Variants in PTPRA observed in about 807,000 individuals in gnomAD.
PTPRA encodes protein tyrosine phosphatase receptor type A, also known as receptor-type tyrosine-protein phosphatase alpha.
Under a neutral mutation model 104.8 loss-of-function variants are expected in PTPRA, and 25 were observed. The observed-to-expected ratio is 0.24, with a 90% CI of 0.17 to 0.33. The LOEUF (loss-of-function observed/expected upper bound fraction) is 0.33, where lower values mean the gene tolerates loss of function less well. Ranked by LOEUF, PTPRA falls within the 10% of genes least tolerant of loss-of-function variation. The pLI is 1.00. For synonymous variants in PTPRA, 323 were observed against 368.9 expected (o/e 0.88, Z 1.43); for missense variants, 765 against 1,015.3 (o/e 0.75, Z 3.35).
At chr20:2,975,316 CTG>C in intron 6 of PTPRA, 75 bp downstream of exon 6, 2 of 1,320,246 alleles carry the variant, frequency 1.5e-6, no homozygotes, top group Non-Finnish European at 1.0e-6. Flanking sequence ...TGCTCACAGT[CTG>C]TGGTAACCGT....
intron 1 of PTPRA, among the ~76,000 whole-genome samples, chr20:2,918,343 T>G (rs1332245027): frequency 6.6e-6 from 1 of 152,160 alleles, no homozygotes; most frequent in Non-Finnish European, 1.5e-5. Flanking sequence ...ACTCTATTTT[T>G]AAATGACAGC....
At position 3,037,431 on chromosome 20, in the gene PTPRA, A is replaced by C; in HGVS notation, c.2334+142A>C. Reference sequence around the variant, plus strand: ...CCCTTGCCCTCCCAAGGTGCCCCAAATACACAGGAAACATTGGGAGGCAGG... The same window carrying C: ...CCCTTGCCCTCCCAAGGTGCCCCAACTACACAGGAAACATTGGGAGGCAGG... On this transcript the variant is annotated intron_variant, in intron 23 of 23. Transcript: ENST00000399903. The surrounding 1 kb of genome is among the most constrained non-coding windows in gnomAD (Gnocchi z 4.3). The C allele has an allele frequency of 7.6e-7, 1 of 1,315,862 alleles. No individual in the cohort carries two copies. The highest frequency in any genetic ancestry group is 1.0e-6 in the Non-Finnish European group (1 of 964,506). The allele number at this position is 1,315,862 out of a possible 1,614,324, so 81.5% of individuals were successfully genotyped here. A position where few individuals can be genotyped will look rare whatever the true frequency, so the allele number is the denominator to read the frequency against.
At chr20:2,988,311 A>T in intron 8 of PTPRA, 27 bp from the exon 9 acceptor site, 1 of 1,576,052 alleles carries the variant, frequency 6.3e-7, no homozygotes, top group Non-Finnish European at 8.6e-7. Flanking sequence ...AGGGTACCTG[A>T]CTGACCTTCT....
chr20:2,970,798 A>G (rs916802446), intron 5 of PTPRA, among the ~76,000 whole-genome samples: 3 of 148,870 alleles, frequency 2.0e-5, no homozygotes, highest in African/African-American at 5.2e-5. Context: ...CTGGACTTCT[A>G]TGGTTTCGTG....
Position 2,918,681 on chromosome 20 carries a change from T to G in PTPRA, c.-128-4526T>G, listed in dbSNP as rs144222881. 2.4e-4 allele frequency among the ~76,000 whole-genome samples: 37 copies of G among 152,364 alleles called. 1 individual carries two copies. The East Asian group carries it at 6.8e-3, about 28-fold the overall frequency. ...GCACATTGCACCATACTTAGGAATA[T>G]ATGACGGTTATACATTTCAAACAGG... is the stretch of plus-strand genomic sequence containing the variant. On this transcript the variant is annotated intron_variant, in intron 1 of 23. Coordinates refer to ENST00000399903, the MANE Select transcript of PTPRA (RefSeq NM_001385305.1).
In PTPRA at chr20:3,021,478, A is replaced by G. The variant is rs770353250; in HGVS notation, c.1161+50A>G. 6.2e-6 allele frequency: 10 copies of G among 1,607,686 alleles called. No homozygotes were observed. The South Asian group carries it at 8.8e-5, about 14-fold the overall frequency. On this transcript the variant is annotated intron_variant, in intron 14 of 23. Coordinates refer to ENST00000399903, the MANE Select transcript of PTPRA (RefSeq NM_001385305.1). ...AGTTCTTATGTTGGATCTGCTGACC[A>G]GTAAGAGGGAACAGGCTGGATCATC...
chr20:2,983,038 G>A (rs990837716), intron 6 of PTPRA, among the ~76,000 whole-genome samples: 3 of 152,086 alleles, frequency 2.0e-5, no homozygotes, highest in African/African-American at 7.2e-5. Context: ...GCTAGTTACT[G>A]TGCCAACAAC....
At chr20:2,979,843 C>CA (rs2062598088) in intron 6 of PTPRA, among the ~76,000 whole-genome samples, 1 of 152,038 alleles carries the variant, frequency 6.6e-6, no homozygotes, top group African/African-American at 2.4e-5. Flanking sequence ...CGTGCCCGGC[C>CA]CTGTTAAGCC....
At chr20:2,925,164 T>C (rs1377009269) in intron 2 of PTPRA, among the ~76,000 whole-genome samples, 1 of 152,064 alleles carries the variant, frequency 6.6e-6, no homozygotes, top group Non-Finnish European at 1.5e-5. Context: ...AAACTGAAAC[T>C]CCATATCCAT....
intron 9 of PTPRA, among the ~76,000 whole-genome samples, chr20:2,993,872 C>T (rs2063290171): frequency 6.6e-6 from 1 of 152,182 alleles, no homozygotes; most frequent in South Asian, 2.1e-4. Flanking sequence ...TTCACAGAGC[C>T]GGGAGCATCT....
intron 6 of PTPRA, among the ~76,000 whole-genome samples, chr20:2,985,247 A>G (rs2062850830): frequency 6.6e-6 from 1 of 152,246 alleles, no homozygotes; most frequent in Non-Finnish European, 1.5e-5. Context: ...GGTGGGAGTC[A>G]GGGCAAATAG....
Position 3,038,338 on chromosome 20 carries a change from A to C in PTPRA, c.*205A>C, listed in dbSNP as rs2148544265. On this transcript the variant is annotated 3_prime_UTR_variant, in exon 24 of 24. Coordinates refer to ENST00000399903, the MANE Select transcript of PTPRA (RefSeq NM_001385305.1). ...TTTCCAATGTTTTATTGGGGAATTA[A>C]ATAGTGTGATGTTTGGATTGATATC... 1 of 513,050 alleles carries C rather than the reference A, an allele frequency of 1.9e-6. No homozygotes were observed. The highest frequency in any genetic ancestry group is 3.5e-5 in the East Asian group (1 of 28,762). The allele number at this position is 513,050 out of a possible 1,614,324, so 31.8% of individuals were successfully genotyped here.
At chr20:2,963,548 C>G (rs1043373191) in intron 3 of PTPRA, among the ~76,000 whole-genome samples, 1 of 151,770 alleles carries the variant, frequency 6.6e-6, no homozygotes, top group African/African-American at 2.4e-5. Flanking sequence ...GAGCCAAGAT[C>G]ACACCATTGC....
At chr20:2,969,063 T>A (rs1015780077) in intron 5 of PTPRA, among the ~76,000 whole-genome samples, 1 of 151,982 alleles carries the variant, frequency 6.6e-6, no homozygotes, top group Non-Finnish European at 1.5e-5. Flanking sequence ...AATAAAAAAA[T>A]TAGTCAAACG....
intron 6 of PTPRA, among the ~76,000 whole-genome samples, chr20:2,977,601 CGT>C (rs1171998918): frequency 1.3e-5 from 2 of 151,036 alleles, no homozygotes; most frequent in Non-Finnish European, 2.9e-5. Flanking sequence ...GCCAAGATTG[CGT>C]GACTGTACTC....
chr20:2,894,044 A>G (rs1032075469), intron 1 of PTPRA, among the ~76,000 whole-genome samples: 3 of 152,174 alleles, frequency 2.0e-5, no homozygotes, highest in Admixed American at 2.0e-4. Context: ...AGATAATGAC[A>G]TGGAAAAAAG....
chr20:2,995,207 C>T (rs936969066), intron 9 of PTPRA, among the ~76,000 whole-genome samples: 4 of 152,206 alleles, frequency 2.6e-5, no homozygotes, highest in African/African-American at 9.6e-5. Flanking sequence ...TCTATATCAA[C>T]AATTGTTCCT....
At chr20:3,007,475 G>A in intron 11 of PTPRA, 55 bp downstream of exon 11, 1 of 1,505,786 alleles carries the variant, frequency 6.6e-7, no homozygotes, top group Non-Finnish European at 9.2e-7. Context: ...GCCACTATCT[G>A]TTGGCTCCTC....
At chr20:2,906,242 T>C (rs2147157208) in intron 1 of PTPRA, among the ~76,000 whole-genome samples, 1 of 152,348 alleles carries the variant, frequency 6.6e-6, no homozygotes, top group Middle Eastern at 3.4e-3. Context: ...AAAAATCAAA[T>C]ATTTCAGTTA....
Sources: allele counts gnomAD v4.1 joint callset (sites outside exome capture counted in the v4.1 genomes callset), GRCh38; gene constraint gnomAD v4.1.1; non-coding constraint Gnocchi (gnomAD v3.1); transcripts MANE v1.5; gene names NCBI Gene and HGNC (gene_info 2026-07-23, HGNC 2026-07-21).